Variants in CCDC88A observed in about 807,000 individuals in gnomAD.
CCDC88A encodes girdin.
Under a neutral mutation model 234.3 loss-of-function variants are expected in CCDC88A, and 54 were observed. The observed-to-expected ratio is 0.23, with a 90% CI of 0.19 to 0.29. The LOEUF is 0.29. Among genes scored for constraint, CCDC88A ranks in the 10% least tolerant of loss-of-function variants. The pLI, the probability that CCDC88A is intolerant of heterozygous loss-of-function variation, is 1.00. For synonymous variants in CCDC88A, 753 were observed against 737.8 expected, an observed-to-expected ratio of 1.02 and a Z score of -0.33; for missense variants, 1,832 against 2,123.4, an observed-to-expected ratio of 0.86 and a Z score of 2.70.
At chr2:55,349,816 A>C in intron 8 of CCDC88A, 1 of 444,860 alleles carries the variant, frequency 2.2e-6, no homozygotes, top group Non-Finnish European at 3.9e-6. Flanking sequence ...TCCAAAGGCT[A>C]ATGTTCTCAT....
chr2:55,310,371 C>G (rs940384125), intron 23 of CCDC88A, among the ~76,000 whole-genome samples: 10 of 152,082 alleles, frequency 6.6e-5, no homozygotes, highest in African/African-American at 2.2e-4. Context: ...CACTTGAGCT[C>G]AGGAGTTTGA....
chr2:55,315,411 C>T (rs1256691558), intron 22 of CCDC88A: 1 of 152,240 alleles, frequency 6.6e-6, no homozygotes, highest in Non-Finnish European at 1.5e-5. Flanking sequence ...TCTCAATTTG[C>T]TATATGCCCT....
chr2:55,401,557 TC>T (rs372858491), intron 2 of CCDC88A, among the ~76,000 whole-genome samples: 40,801 of 83,574 alleles, frequency 0.49, 10,698 homozygotes, highest in Non-Finnish European at 0.62. Flanking sequence ...ACTTAATTTC[TC>T]CCCCCCATAA....
At chr2:55,401,618 A>G (rs962956354) in intron 2 of CCDC88A, among the ~76,000 whole-genome samples, 2 of 150,124 alleles carry the variant, frequency 1.3e-5, no homozygotes, top group African/African-American at 4.9e-5. Flanking sequence ...TCTAATATTA[A>G]TATAAGCTTT....
At chr2:55,303,788 T>C (rs1296141047) in intron 25 of CCDC88A, among the ~76,000 whole-genome samples, 2 of 152,178 alleles carry the variant, frequency 1.3e-5, no homozygotes, top group East Asian at 1.9e-4. Flanking sequence ...GTCGTAAAGG[T>C]AAACCTTTAA....
At chr2:55,342,494 C>A (rs902510775) in intron 12 of CCDC88A, among the ~76,000 whole-genome samples, 2 of 152,156 alleles carry the variant, frequency 1.3e-5, no homozygotes, top group Non-Finnish European at 2.9e-5. Context: ...CCCCACTTAA[C>A]AAGTAAGGAA....
intron 2 of CCDC88A, among the ~76,000 whole-genome samples, chr2:55,391,643 G>A (rs942120553): frequency 9.2e-5 from 14 of 152,268 alleles, no homozygotes; most frequent in Admixed American, 5.9e-4. Context: ...TTCACCGCAG[G>A]AGCTTAACAA....
rs1000369601 is a variant in CCDC88A at position 55,363,937 on chromosome 2, T to A, written c.486+13A>T. The A allele has an allele frequency of 8.8e-6, 13 of 1,481,476 alleles. No individual in the cohort carries two copies. In the Admixed American group the frequency reaches 2.1e-4, roughly 24 times the overall value. The allele number at this position is 1,481,476 out of a possible 1,614,324, so 91.8% of individuals were successfully genotyped here. ...TTCATAAATAGCACGTAAAATTGTA[T>A]ATATGTCATTACCTCTTGAATATGT... On this transcript the variant is annotated intron_variant, in intron 6 of 32. Coordinates refer to ENST00000436346, the MANE Select transcript of CCDC88A (RefSeq NM_001365480.1).
At chr2:55,410,539 T>A (rs1680296061) in intron 2 of CCDC88A, among the ~76,000 whole-genome samples, 1 of 152,158 alleles carries the variant, frequency 6.6e-6, no homozygotes, top group Admixed American at 6.5e-5. Flanking sequence ...TAGGGGCAGA[T>A]CTCCTCTCAC....
At chr2:55,407,282 T>C (rs1401981742) in intron 2 of CCDC88A, among the ~76,000 whole-genome samples, 4 of 151,990 alleles carry the variant, frequency 2.6e-5, no homozygotes, top group Admixed American at 1.3e-4. Context: ...TCACAAAGTC[T>C]GATTTTTAAC....
In CCDC88A at chr2:55,295,777, G is replaced by C. The variant is rs767911397; in HGVS notation, c.5371C>G (p.Arg1791Gly). Residue 1791 changes from arginine to glycine, a missense_variant, in exon 31 of 33, where the codon CGA becomes GGA. Arg to Gly is a moderately radical substitution (Grantham distance 125). Coordinates refer to ENST00000436346, the MANE Select transcript of CCDC88A (RefSeq NM_001365480.1). ...IKLVKESSLSRQSKDSNPYAT... is the reference protein window; with the variant it reads ...IKLVKESSLSGQSKDSNPYAT... Reference sequence around the variant, plus strand: ...TAAGGGTTACTATCTTTTGATTGTCGTGACAGAGAAGATTCTTTTACTAAT... The same window carrying C: ...TAAGGGTTACTATCTTTTGATTGTCCTGACAGAGAAGATTCTTTTACTAAT... The C allele has an allele frequency of 4.3e-6, 7 of 1,614,180 alleles. No homozygotes were observed. In the Admixed American group the frequency reaches 1.2e-4, roughly 27 times the overall value.
rs1285396677 is a variant in CCDC88A at position 55,401,463 on chromosome 2, TATAC to T, written c.165-12581_165-12578del. Among the ~76,000 whole-genome samples the T allele has an allele frequency of 1.2e-3, 16 of 13,782 alleles. 4 individuals carry two copies. The highest frequency in any genetic ancestry group is 6.4e-3 in the Admixed American group (4 of 628). The allele number at this position is 13,782 out of a possible 152,430, so 9.0% of individuals were successfully genotyped here. ...AAAAAAAAAAATATATATATATATA[TATAC>T]ATATGTGTGTGTATGTATGTGTGTG... is the stretch of plus-strand genomic sequence containing the variant. On this transcript the variant is annotated intron_variant, in intron 2 of 32. Transcript: ENST00000436346.
intron 3 of CCDC88A, among the ~76,000 whole-genome samples, chr2:55,382,715 C>A (rs12617891): frequency 2.2e-4 from 33 of 152,196 alleles, no homozygotes; most frequent in Non-Finnish European, 3.7e-4. Flanking sequence ...GTGTTTGCTA[C>A]GGATCAAGTG....
At position 55,315,944 on chromosome 2, in the gene CCDC88A, A is replaced by C; in HGVS notation, c.3917T>G (p.Leu1306Arg). ...YQQLDITSTK[L>R]NNQCELLSQL... ...TAAGCTCACCTCACACTGGTTATTC[A>C]GCTTGGTTGATGTAATATCCAATTG... Residue 1306 changes from leucine to arginine, a missense_variant, in exon 22 of 33, where the codon CTG (leucine) becomes CGG (arginine). Transcript: ENST00000436346. 6.4e-7 allele frequency: 1 copy of C among 1,553,478 alleles called. No homozygotes were observed. Among genetic ancestry groups the C allele is most frequent in the Non-Finnish European group, 8.7e-7 (1 of 1,152,932 alleles).
At chr2:55,377,960 G>C (rs180904075) in intron 3 of CCDC88A, among the ~76,000 whole-genome samples, 143 of 152,242 alleles carry the variant, frequency 9.4e-4, no homozygotes, top group African/African-American at 3.2e-3. Flanking sequence ...TTATCTTAAA[G>C]ATGTTAGAGA....
At chr2:55,386,590 G>T in intron 3 of CCDC88A, among the ~76,000 whole-genome samples, 1 of 150,980 alleles carries the variant, frequency 6.6e-6, no homozygotes. Context: ...TCATGCCTCA[G>T]CCTCCTGAGT....
intron 7 of CCDC88A, 54 bp from the exon 8 acceptor site, chr2:55,355,805 A>C: frequency 7.2e-7 from 1 of 1,396,562 alleles, no homozygotes; most frequent in Admixed American, 1.8e-5. Context: ...CAAACTAAAC[A>C]CATCAACATG....
At chr2:55,351,587 C>G (rs745428609) in intron 8 of CCDC88A, among the ~76,000 whole-genome samples, 1 of 152,182 alleles carries the variant, frequency 6.6e-6, no homozygotes, top group Non-Finnish European at 1.5e-5. Context: ...CTCAAGCAAT[C>G]CTCTTGCCTC....
chr2:55,383,092 A>C (rs1301178789), intron 3 of CCDC88A, among the ~76,000 whole-genome samples: 1 of 151,770 alleles, frequency 6.6e-6, no homozygotes, highest in African/African-American at 2.4e-5. Flanking sequence ...AAAAAACAAA[A>C]GAGTACTGAC....
Sources: gnomAD v4.1 joint callset for allele counts (sites outside exome capture counted in the v4.1 genomes callset) on GRCh38, gnomAD v4.1.1 for gene constraint, MANE v1.5 for transcripts, NCBI Gene and HGNC (gene_info 2026-07-23, HGNC 2026-07-21) for gene names.